Variants in C10orf143 observed in about 807,000 individuals in gnomAD.
The protein encoded by C10orf143 is chromosome 10 open reading frame 143.
chr10:130,058,141 C>A (rs144443323), intron 3 of C10orf143, among the ~76,000 whole-genome samples: 57 of 152,302 alleles, frequency 3.7e-4, no homozygotes, highest in Non-Finnish European at 6.0e-4. Flanking sequence ...CTCCTGGGAG[C>A]TTATTCGAAA....
chr10:130,066,084 C>T (rs1333956442), intron 3 of C10orf143: 1 of 152,088 alleles, frequency 6.6e-6, no homozygotes, highest in Admixed American at 6.5e-5. Flanking sequence ...TCCTTCCCTG[C>T]TCTGTTCAAG....
chr10:130,043,291 G>A (rs1041472984), intron 3 of C10orf143, among the ~76,000 whole-genome samples: 1 of 152,124 alleles, frequency 6.6e-6, no homozygotes, highest in Non-Finnish European at 1.5e-5. Context: ...GGTATTCCTG[G>A]AAAATTGAAG....
chr10:130,046,935 A>G lies in C10orf143; in HGVS notation c.298-10965T>C, dbSNP rs188509422. Among the ~76,000 whole-genome samples the G allele has an allele frequency of 2.2e-3, 342 of 152,294 alleles. 4 individuals are homozygous for G. Among genetic ancestry groups the G allele is most frequent in the African/African-American group, 7.9e-3 (328 of 41,552 alleles). ...GCCCACCCCTGAGGCGTGTGTGTGT[A>G]AGCGTGCACACTTGCTTTTTAACGT... On this transcript the variant is annotated intron_variant and NMD_transcript_variant, in intron 3 of 5. Coordinates refer to the C10orf143 transcript ENST00000643056.
intron 1 of C10orf143, among the ~76,000 whole-genome samples, chr10:130,084,374 G>A (rs1861256891): frequency 6.6e-6 from 1 of 152,062 alleles, no homozygotes; most frequent in Admixed American, 6.6e-5. Context: ...ACGACAAAAA[G>A]CACTGTATAG....
Position 130,058,147 on chromosome 10 carries a change from C to T in C10orf143, c.297+21419G>A, listed in dbSNP as rs147686546. On this transcript the variant is annotated intron_variant and NMD_transcript_variant, in intron 3 of 5. Transcript: ENST00000643056. ...CTGTGGCATCTCCTGGGAGCTTATT[C>T]GAAATGCAGAATCCCAGGCCTTGCC... Among the ~76,000 whole-genome samples the T allele has an allele frequency of 5.9e-5, 9 of 152,302 alleles. No homozygotes were observed. In the East Asian group the frequency reaches 1.4e-3, roughly 23 times the overall value.
chr10:130,049,491 G>T (rs554149523), intron 3 of C10orf143, among the ~76,000 whole-genome samples: 1 of 152,304 alleles, frequency 6.6e-6, no homozygotes, highest in African/African-American at 2.4e-5. Flanking sequence ...CAGCCAGATC[G>T]CCTCCACCTG....
chr10:130,107,092 A>C (rs1590039150), intron 1 of C10orf143: 2 of 1,587,514 alleles, frequency 1.3e-6, no homozygotes, highest in East Asian at 4.5e-5. Context: ...AAGAGCTTAC[A>C]GAGCATATTA....
intron 3 of C10orf143, among the ~76,000 whole-genome samples, chr10:130,037,992 T>C (rs1860564436): frequency 6.6e-6 from 1 of 152,240 alleles, no homozygotes; most frequent in Non-Finnish European, 1.5e-5. Context: ...CATTCTCATT[T>C]TTCCATGTAC....
Position 130,056,969 on chromosome 10 carries a change from C to T in C10orf143, c.298-20999G>A, listed in dbSNP as rs1432627254. On this transcript the variant is annotated intron_variant and NMD_transcript_variant, in intron 3 of 5. Transcript: ENST00000643056. The surrounding 1 kb of genome is among the most constrained non-coding windows in gnomAD (Gnocchi z 4.6). ...GTGGCTCGATCATGGCTCACTGCAG[C>T]CTTGATCTCCTGGGCTCAAGTGACT... Among the ~76,000 whole-genome samples the T allele has an allele frequency of 6.6e-6, 1 of 152,032 alleles. No homozygotes were observed. Among genetic ancestry groups the T allele is most frequent in the African/African-American group, 2.4e-5 (1 of 41,374 alleles).
At chr10:130,100,708 A>T (rs1323812972) in intron 1 of C10orf143, among the ~76,000 whole-genome samples, 1 of 152,246 alleles carries the variant, frequency 6.6e-6, no homozygotes, top group African/African-American at 2.4e-5. Context: ...AATGCACTGG[A>T]TGTAATTAGT....
chr10:130,074,436 A>C (rs1011971602), intron 3 of C10orf143, among the ~76,000 whole-genome samples: 1 of 152,220 alleles, frequency 6.6e-6, no homozygotes. Context: ...AAGAACTGAC[A>C]AGGATGCTTG....
chr10:130,036,251 G>A (rs1331260523), intron 3 of C10orf143, among the ~76,000 whole-genome samples: 3 of 152,176 alleles, frequency 2.0e-5, no homozygotes, highest in African/African-American at 7.2e-5. Flanking sequence ...ACACAGCTGG[G>A]TGCCCACTTC....
rs79686691 is a variant in C10orf143 at position 130,072,870 on chromosome 10, A to G, written c.297+6696T>C. 5.1e-3 allele frequency among the ~76,000 whole-genome samples: 771 copies of G among 152,400 alleles called. 9 individuals are homozygous for G. Among genetic ancestry groups the G allele is most frequent in the African/African-American group, 0.018 (731 of 41,592 alleles). ...TGTTGTTTTAAAATGCTGACACAGA[A>G]GCATGAGATGAGGATATGCTTTTGG... On this transcript the variant is annotated intron_variant, in intron 3 of 3. Transcript: ENST00000637128.
At chr10:130,052,154 G>A (rs1860744622) in intron 3 of C10orf143, among the ~76,000 whole-genome samples, 1 of 147,786 alleles carries the variant, frequency 6.8e-6, no homozygotes, top group Non-Finnish European at 1.5e-5. Flanking sequence ...CCCACCTCAG[G>A]AGGCCACCAC....
chr10:130,046,199 C>T (rs1163121491), intron 3 of C10orf143, among the ~76,000 whole-genome samples: 6 of 105,334 alleles, frequency 5.7e-5, no homozygotes, highest in South Asian at 7.3e-4. Context: ...GGGCGCGGGG[C>T]GTGGCGCGGA....
At chr10:130,070,166 T>G (rs1432148999) in intron 3 of C10orf143, among the ~76,000 whole-genome samples, 1 of 152,252 alleles carries the variant, frequency 6.6e-6, no homozygotes, top group Non-Finnish European at 1.5e-5. Context: ...ATACAGGGTT[T>G]TTAAAATCTG....
intron 3 of C10orf143, among the ~76,000 whole-genome samples, chr10:130,042,642 T>C (rs1237308234): frequency 2.0e-5 from 3 of 152,216 alleles, no homozygotes; most frequent in Admixed American, 2.0e-4. Context: ...AATCAGTTGT[T>C]TGCTGTCAGG....
intron 1 of C10orf143, among the ~76,000 whole-genome samples, chr10:130,088,412 C>A (rs753238515): frequency 1.3e-5 from 2 of 151,930 alleles, no homozygotes. Flanking sequence ...AAATAAAATA[C>A]CAAAGGAAAT....
At chr10:130,084,759 G>A (rs372503560) in intron 1 of C10orf143, among the ~76,000 whole-genome samples, 15 of 152,064 alleles carry the variant, frequency 9.9e-5, no homozygotes, top group African/African-American at 2.9e-4. Flanking sequence ...AATTGGTTTC[G>A]AAATACCATT....
Sources: gnomAD v4.1 joint callset for allele counts (sites outside exome capture counted in the v4.1 genomes callset) on GRCh38, gnomAD v4.1.1 for gene constraint, Gnocchi (gnomAD v3.1) non-coding constraint, MANE v1.5 for transcripts, NCBI Gene and HGNC (gene_info 2026-07-23, HGNC 2026-07-21) for gene names.